Variants in CLUL1 observed in about 807,000 individuals in gnomAD.
The protein encoded by CLUL1 is clusterin-like protein 1.
In CLUL1, 43 loss-of-function variants were observed where a neutral mutation model predicts 49.4. The ratio of observed to expected loss-of-function variants is 0.87; its 90% CI spans 0.68 to 1.12. The LOEUF is 1.12. CLUL1 is among the 50% of genes most tolerant of loss of function. The pLI is 0.00. For synonymous variants in CLUL1, 192 were observed against 184.9 expected, an observed-to-expected ratio of 1.04 and a Z score of -0.31; for missense variants, 486 against 544.4, an observed-to-expected ratio of 0.89 and a Z score of 1.07.
chr18:602,141 A>G (rs796189309), intron 1 of CLUL1, among the ~76,000 whole-genome samples: 35 of 152,342 alleles, frequency 2.3e-4, no homozygotes, highest in African/African-American at 8.2e-4. Context: ...GTTAAATGCA[A>G]TACATGCCCT....
intron 1 of CLUL1, among the ~76,000 whole-genome samples, chr18:599,734 C>T (rs2072766563): frequency 6.6e-6 from 1 of 151,942 alleles, no homozygotes; most frequent in Non-Finnish European, 1.5e-5. Flanking sequence ...AGATTGAGAC[C>T]ATCCTGGCTA....
At position 627,409 on chromosome 18, in the gene CLUL1, T is replaced by C. The variant is rs1598429218; in HGVS notation, c.736T>C (p.Trp246Arg). The change falls in exon 6 of 10, where the codon TGG becomes CGG. Residue 246 changes from tryptophan to arginine, a missense_variant. By Grantham distance (101) the Trp-to-Arg change is moderately radical. Coordinates refer to ENST00000692774, the MANE Select transcript of CLUL1 (RefSeq NM_001393344.1). ...GACAAAAGCAGATCTTGAGCAATGT[T>C]GGGACATTCCCAACTTCTTCCAGCT... is the stretch of plus-strand genomic sequence containing the variant. ...PMTKADLEQC[W>R]DIPNFFQLFC... 6.2e-7 allele frequency: 1 copy of C among 1,614,184 alleles called. No individual in the cohort carries two copies. The highest frequency in any genetic ancestry group is 1.6e-4 in the Middle Eastern group (1 of 6,062).
intron 1 of CLUL1, chr18:598,445 C>A: frequency 2.5e-6 from 1 of 398,052 alleles, no homozygotes; most frequent in East Asian, 3.6e-5. Flanking sequence ...TTTCGACAGC[C>A]TGGAGTCTCT....
At chr18:602,774 G>T (rs1307951379) in intron 1 of CLUL1, among the ~76,000 whole-genome samples, 1 of 152,132 alleles carries the variant, frequency 6.6e-6, no homozygotes, top group Non-Finnish European at 1.5e-5. Flanking sequence ...GAACACTGAA[G>T]GATAAGAAAC....
At position 604,828 on chromosome 18, in the gene CLUL1, C is replaced by T. The variant is rs2072926203; in HGVS notation, c.-135-2150C>T. On this transcript the variant is annotated intron_variant, in intron 1 of 9. Transcript: ENST00000692774. ...GAAAGCAGGTTGCTGGTTGCCCCTTCGTAGTTGAATACAAGGGCTTCTATA... is the reference window on the plus strand; with the variant it reads ...GAAAGCAGGTTGCTGGTTGCCCCTTTGTAGTTGAATACAAGGGCTTCTATA... Among the ~76,000 whole-genome samples, 3 of 152,130 alleles carry T rather than the reference C, an allele frequency of 2.0e-5. No individual in the cohort carries two copies. In the South Asian group the frequency reaches 6.2e-4, roughly 32 times the overall value.
At chr18:608,200 C>T (rs1225595452) in intron 2 of CLUL1, among the ~76,000 whole-genome samples, 2 of 152,128 alleles carry the variant, frequency 1.3e-5, no homozygotes, top group African/African-American at 4.8e-5. Context: ...ATCTCAGGGT[C>T]TCAGTCTGCT....
At chr18:636,357 T>C (rs569604931) in intron 7 of CLUL1, among the ~76,000 whole-genome samples, 1 of 152,284 alleles carries the variant, frequency 6.6e-6, no homozygotes, top group African/African-American at 2.4e-5. Flanking sequence ...CTTTTTAACA[T>C]ATTACTTTTA....
rs7239762 is a variant in CLUL1, at chr18:625,145, C to T, written c.423+113C>T. ...ACGGAGATGCCTGATCTGATAGGGG[C>T]CTTTTGCTTTCTAGAATCTAATACT... is the stretch of plus-strand genomic sequence containing the variant. On this transcript the variant is annotated intron_variant, in intron 5 of 9. Coordinates refer to ENST00000692774, the MANE Select transcript of CLUL1 (RefSeq NM_001393344.1). 5,113 of 1,064,274 alleles carry T rather than the reference C, an allele frequency of 4.8e-3. 175 individuals are homozygous for T. In the African/African-American group the frequency reaches 0.072, roughly 15 times the overall value. The allele number at this position is 1,064,274 out of a possible 1,614,324, so 65.9% of individuals were successfully genotyped here.
At chr18:622,124 C>G (rs902046638) in intron 4 of CLUL1, among the ~76,000 whole-genome samples, 2 of 152,118 alleles carry the variant, frequency 1.3e-5, no homozygotes, top group African/African-American at 4.8e-5. Context: ...TATGAATTGG[C>G]AAATATGGTG....
chr18:617,055 TCTAAC>T (rs2073310543), intron 2 of CLUL1, among the ~76,000 whole-genome samples: 1 of 152,246 alleles, frequency 6.6e-6, no homozygotes, highest in South Asian at 2.1e-4. Context: ...ATACGACTAT[TCTAAC>T]TTATTTAACT....
chr18:640,482 G>T (rs1598443929), intron 7 of CLUL1, among the ~76,000 whole-genome samples: 1 of 151,246 alleles, frequency 6.6e-6, no homozygotes, highest in East Asian at 1.9e-4. Context: ...TTATTTCCAA[G>T]TTCTGGATAA....
At chr18:633,247 C>T (rs1404727423) in intron 6 of CLUL1, 51 bp from the exon 7 acceptor site, 2 of 1,505,524 alleles carry the variant, frequency 1.3e-6, no homozygotes, top group African/African-American at 2.8e-5. Flanking sequence ...TCCACTTCTT[C>T]AAAGTGCAAA....
chr18:602,081 G>C (rs4798414), intron 1 of CLUL1, among the ~76,000 whole-genome samples: 65,704 of 151,854 alleles, frequency 0.43, 15,256 homozygotes, highest in East Asian at 0.63. Context: ...ATTTAAAAGA[G>C]GTAATGAACA....
chr18:617,821 T>C (rs193214837), intron 2 of CLUL1, among the ~76,000 whole-genome samples, 167 bp from the exon 3 acceptor site: 1 of 152,246 alleles, frequency 6.6e-6, no homozygotes, highest in African/African-American at 2.4e-5. Context: ...TTTTTTTAAC[T>C]TACATTTCAA....
chr18:646,705 T>C (rs2074518410), intron 9 of CLUL1, among the ~76,000 whole-genome samples: 1 of 151,788 alleles, frequency 6.6e-6, no homozygotes, highest in Admixed American at 6.6e-5. Flanking sequence ...TCCTCTTTCT[T>C]CTCCCTCCTC....
chr18:608,031 G>A (rs1598410335), intron 2 of CLUL1, among the ~76,000 whole-genome samples: 1 of 152,134 alleles, frequency 6.6e-6, no homozygotes, highest in African/African-American at 2.4e-5. Context: ...ATGAACTGCC[G>A]TCCCGCCACC....
intron 4 of CLUL1, among the ~76,000 whole-genome samples, chr18:623,794 C>A (rs1188796542): frequency 6.6e-6 from 1 of 152,114 alleles, no homozygotes; most frequent in Non-Finnish European, 1.5e-5. Context: ...CCAAATGCTA[C>A]GTGGCTTAGC....
intron 6 of CLUL1, among the ~76,000 whole-genome samples, chr18:630,478 T>TAAAAGTGG (rs2073961451): frequency 6.6e-6 from 1 of 152,024 alleles, no homozygotes. Context: ...ACAGGGTCCT[T>TAAAAGTGG]AAAAGTGGAA....
At chr18:614,193 A>C (rs2073223528) in intron 2 of CLUL1, among the ~76,000 whole-genome samples, 1 of 152,096 alleles carries the variant, frequency 6.6e-6, no homozygotes, top group Non-Finnish European at 1.5e-5. Context: ...GGAAATTTTT[A>C]ATTGAGGATT....
Sources: allele counts gnomAD v4.1 joint callset (sites outside exome capture counted in the v4.1 genomes callset), GRCh38; gene constraint gnomAD v4.1.1; transcripts MANE v1.5; gene names NCBI Gene and HGNC (gene_info 2026-07-23, HGNC 2026-07-21).